The following BMAL1 variants were observed in gnomAD, a reference collection of about 807,000 sequenced individuals.
BMAL1 encodes the protein basic helix-loop-helix ARNT-like protein 1.
At chr11:13,304,793 G>A in the BMAL1 span, among the ~76,000 whole-genome samples, 3 of 152,276 alleles carry the variant, frequency 2.0e-5, no homozygotes, top group East Asian at 3.9e-4. Flanking sequence ...CTGGCTGAAG[G>A]GTAACAACCC....
At chr11:13,365,794 G>C in the BMAL1 span, among the ~76,000 whole-genome samples, 1 of 152,212 alleles carries the variant, frequency 6.6e-6, no homozygotes, top group South Asian at 2.1e-4. Context: ...ATCTGACTCT[G>C]ATCTGATCGA....
chr11:13,300,192 A>G, the BMAL1 span, among the ~76,000 whole-genome samples: 4 of 152,044 alleles, frequency 2.6e-5, no homozygotes, highest in East Asian at 1.9e-4. Context: ...ATAATATTCT[A>G]TCAAGGGAAT....
At chr11:13,365,710 T>A in the BMAL1 span, 1 of 691,546 alleles carries the variant, frequency 1.4e-6, no homozygotes, top group Non-Finnish European at 2.4e-6. Context: ...AGAAAATTCT[T>A]AACTTCTTAA....
the BMAL1 span, chr11:13,372,125 A>G: frequency 4.3e-6 from 7 of 1,610,414 alleles, no homozygotes; most frequent in Non-Finnish European, 5.9e-6. Flanking sequence ...CATGGCCCAA[A>G]CCTAGTGCTG....
the BMAL1 span, chr11:13,355,441 C>T: frequency 7.5e-6 from 6 of 805,360 alleles, no homozygotes; most frequent in South Asian, 4.7e-5. Flanking sequence ...CTTGAGCAAG[C>T]GCTAAGGGAG....
the BMAL1 span, among the ~76,000 whole-genome samples, chr11:13,302,772 G>A: frequency 5.3e-5 from 8 of 152,204 alleles, no homozygotes; most frequent in East Asian, 1.9e-4. Context: ...ACTTGTCATC[G>A]CCCCTGCCCC....
At chr11:13,331,012 G>C in the BMAL1 span, among the ~76,000 whole-genome samples, 1 of 152,160 alleles carries the variant, frequency 6.6e-6, no homozygotes, top group African/African-American at 2.4e-5. Flanking sequence ...AGAGGCCTAG[G>C]CAAGGGAGTG....
At chr11:13,368,615 C>T in the BMAL1 span, among the ~76,000 whole-genome samples, 1 of 152,168 alleles carries the variant, frequency 6.6e-6, no homozygotes, top group Non-Finnish European at 1.5e-5. Flanking sequence ...TTCCTCGGCA[C>T]ACTTGCTCGT....
the BMAL1 span, chr11:13,277,127 C>T: frequency 6.6e-6 from 1 of 152,290 alleles, no homozygotes; most frequent in African/African-American, 2.4e-5. Flanking sequence ...TACTAAGTAT[C>T]CGTTCTCTCG....
At chr11:13,286,378 A>C in the BMAL1 span, among the ~76,000 whole-genome samples, 51 of 152,220 alleles carry the variant, frequency 3.4e-4, no homozygotes, top group African/African-American at 1.2e-3. Context: ...AGAGTGGGGA[A>C]AACTCTGGAC....
At chr11:13,290,250 C>T in the BMAL1 span, among the ~76,000 whole-genome samples, 2 of 152,302 alleles carry the variant, frequency 1.3e-5, no homozygotes, top group East Asian at 3.9e-4. Flanking sequence ...CATTTCACCC[C>T]CGTAAGCCTG....
At chr11:13,340,811 A>G in the BMAL1 span, among the ~76,000 whole-genome samples, 44 of 152,004 alleles carry the variant, frequency 2.9e-4, no homozygotes, top group African/African-American at 9.4e-4. Flanking sequence ...TCCCTTTTCA[A>G]CCAGCACAAG....
the BMAL1 span, among the ~76,000 whole-genome samples, chr11:13,314,229 C>CCACACA: frequency 0.077 from 10,607 of 138,636 alleles, 462 homozygotes; most frequent in Admixed American, 0.13. Flanking sequence ...AGGGTGGAGA[C>CCACACA]CACACACACA....
At chr11:13,284,649 T>C in the BMAL1 span, among the ~76,000 whole-genome samples, 1 of 151,944 alleles carries the variant, frequency 6.6e-6, no homozygotes, top group Non-Finnish European at 1.5e-5. Context: ...TGCCTTCGCA[T>C]CTTGCTCACT....
At chr11:13,315,799 C>G in the BMAL1 span, among the ~76,000 whole-genome samples, 3 of 152,170 alleles carry the variant, frequency 2.0e-5, no homozygotes. Flanking sequence ...CTGGAGTTGA[C>G]CGAGAGCATG....
chr11:13,344,803 A>G, the BMAL1 span, among the ~76,000 whole-genome samples: 2 of 152,200 alleles, frequency 1.3e-5, no homozygotes, highest in East Asian at 3.9e-4. Context: ...AGAGCAATTC[A>G]GCATTCATTC....
chr11:13,372,545 C>T, the BMAL1 span: 1 of 1,356,584 alleles, frequency 7.4e-7, no homozygotes, highest in South Asian at 1.4e-5. Flanking sequence ...TGCAGTGGCT[C>T]ACACCTCAAA....
the BMAL1 span, among the ~76,000 whole-genome samples, chr11:13,304,314 G>A: frequency 6.6e-6 from 1 of 152,192 alleles, no homozygotes; most frequent in Admixed American, 6.5e-5. Context: ...TTTGAGATCA[G>A]TTCTGAAGGT....
the BMAL1 span, among the ~76,000 whole-genome samples, chr11:13,295,606 A>G: frequency 7.9e-5 from 12 of 152,252 alleles, no homozygotes; most frequent in Admixed American, 5.2e-4. Context: ...TCAGATGGAG[A>G]TAGCAAAAGT....
Sources: allele counts gnomAD v4.1 joint callset (sites outside exome capture counted in the v4.1 genomes callset), GRCh38; gene constraint gnomAD v4.1.1; transcripts MANE v1.5; gene names NCBI Gene and HGNC (gene_info 2026-07-23, HGNC 2026-07-21).